Variants in SCN3A observed in about 807,000 individuals in gnomAD.
SCN3A encodes sodium voltage-gated channel alpha subunit 3.
SCN3A carries 60 observed loss-of-function variants against 187.6 expected under a neutral mutation model. The observed-to-expected ratio is 0.32, with a 90% CI of 0.26 to 0.40. SCN3A has a LOEUF of 0.40. SCN3A is among the 10% of genes least tolerant of loss of function. The probability of loss-of-function intolerance (pLI) is 1.00; values close to 1 mark genes in which losing one functional copy is unlikely to be tolerated. For missense variants in SCN3A, 1,601 were observed against 2,428.2 expected (o/e 0.66, Z 7.16); for synonymous variants, 788 against 829.2 (o/e 0.95, Z 0.85).
At chr2:165,157,207 G>C (rs1282010596) in intron 9 of SCN3A, among the ~76,000 whole-genome samples, 1 of 152,148 alleles carries the variant, frequency 6.6e-6, no homozygotes, top group East Asian at 1.9e-4. Flanking sequence ...ACCGTGCCCA[G>C]CCCTCAGTTT....
chr2:165,153,312 T>C (rs531575644), intron 11 of SCN3A, among the ~76,000 whole-genome samples: 77 of 152,138 alleles, frequency 5.1e-4, no homozygotes, highest in Non-Finnish European at 9.3e-4. Flanking sequence ...GTTATTTACC[T>C]AAATATAAAG....
At chr2:165,175,617 T>TG (rs1404345509) in intron 3 of SCN3A, among the ~76,000 whole-genome samples, 8 of 152,070 alleles carry the variant, frequency 5.3e-5, no homozygotes, top group African/African-American at 1.2e-4. Flanking sequence ...TCTAGGTTAC[T>TG]GGGGGGGAAA....
intron 1 of SCN3A, among the ~76,000 whole-genome samples, chr2:165,189,549 A>T (rs180898436): frequency 3.5e-4 from 53 of 152,322 alleles, no homozygotes; most frequent in African/African-American, 1.2e-3. Flanking sequence ...TTTTACCCTA[A>T]AAATGCTAGA....
At chr2:165,177,135 A>C (rs1204942172) in intron 2 of SCN3A, among the ~76,000 whole-genome samples, 2 of 152,052 alleles carry the variant, frequency 1.3e-5, no homozygotes, top group Non-Finnish European at 2.9e-5. Context: ...ATTAAGCCAG[A>C]CTCTGTTTCC....
At chr2:165,173,513 T>G (rs1282864787) in intron 3 of SCN3A, among the ~76,000 whole-genome samples, 1 of 152,174 alleles carries the variant, frequency 6.6e-6, no homozygotes, top group Non-Finnish European at 1.5e-5. Context: ...GAAAAGTTAG[T>G]TATGATTATC....
intron 1 of SCN3A, among the ~76,000 whole-genome samples, chr2:165,189,955 C>A (rs1691486844): frequency 6.6e-6 from 1 of 152,144 alleles, no homozygotes; most frequent in African/African-American, 2.4e-5. Flanking sequence ...CTGTAAAATT[C>A]TGGCTGTTCA....
chr2:165,112,999 A>C lies in SCN3A; in HGVS notation c.3729T>G (p.Ala1243=). ...RKTIKTMLEY[A]DKVFTYIFIL... is the part of the protein sequence containing the mutation. ...TGAATATATAGGTAAAGACTTTGTC[A>C]GCATATTCTAGCATGGTTTTGATAG... The change falls in exon 21 of 28, where the codon GCT becomes GCG. Residue 1243 remains alanine (A), a synonymous_variant. Transcript: ENST00000283254. 6.2e-7 allele frequency: 1 copy of C among 1,612,972 alleles called. No individual in the cohort carries two copies. Among genetic ancestry groups the C allele is most frequent in the Non-Finnish European group, 8.5e-7 (1 of 1,179,488 alleles).
At chr2:165,144,139 C>T (rs1028858743) in intron 12 of SCN3A, among the ~76,000 whole-genome samples, 2 of 152,160 alleles carry the variant, frequency 1.3e-5, no homozygotes, top group African/African-American at 4.8e-5. Flanking sequence ...TATTTACTGT[C>T]TATCTTACGC....
chr2:165,162,416 T>C (rs1219579463), intron 8 of SCN3A, 45 bp from the exon 9 acceptor site: 2 of 1,595,466 alleles, frequency 1.3e-6, no homozygotes, highest in Non-Finnish European at 1.7e-6. Flanking sequence ...ATTAATCCTA[T>C]TCACATTAGT....
Position 165,203,854 on chromosome 2 carries a change from T to TA in SCN3A, c.-280dup, listed in dbSNP as rs1184708298. On this transcript the variant is annotated 5_prime_UTR_variant, in exon 1 of 28. It removes the in-frame stop codon of an upstream open reading frame in the 5' UTR. Coordinates refer to ENST00000283254, the MANE Select transcript of SCN3A (RefSeq NM_006922.4). Reference sequence around the variant, plus strand: ...AAACAGAGCCTTATGAATTACAGCATAACAAAGCCCAGCATCCAAGATGGT... The same window carrying TA: ...AAACAGAGCCTTATGAATTACAGCATAAACAAAGCCCAGCATCCAAGATGGT... The TA allele has an allele frequency of 1.4e-5, 2 of 147,792 alleles. No individual in the cohort carries two copies. Among genetic ancestry groups the TA allele is most frequent in the African/African-American group, 5.0e-5 (2 of 40,248 alleles). The allele number at this position is 147,792 out of a possible 1,614,324, so 9.2% of individuals were successfully genotyped here.
chr2:165,194,382 C>T (rs779372278), intron 1 of SCN3A, among the ~76,000 whole-genome samples: 24 of 152,222 alleles, frequency 1.6e-4, no homozygotes, highest in Non-Finnish European at 1.0e-4. Context: ...CTGAGAGAAA[C>T]TTCTGAGGGT....
At position 165,200,440 on chromosome 2, in the gene SCN3A, G is replaced by GA. The variant is rs137864031; in HGVS notation, c.-248+3382dup. Reference sequence around the variant, plus strand: ...TATAATCAAGTGTTAATTTCTTGGTGAAAAAAAATCTTTAAATGCTTATTC... The same window carrying GA: ...TATAATCAAGTGTTAATTTCTTGGTGAAAAAAAAATCTTTAAATGCTTATTC... On this transcript the variant is annotated intron_variant, in intron 1 of 27. Coordinates refer to ENST00000283254, the MANE Select transcript of SCN3A (RefSeq NM_006922.4). Among the ~76,000 whole-genome samples, 42 of 151,840 alleles carry GA rather than the reference G, an allele frequency of 2.8e-4. No homozygotes were observed. The East Asian group carries it at 4.3e-3, about 15-fold the overall frequency.
At position 165,129,959 on chromosome 2, in the gene SCN3A, A is replaced by T. The variant is rs778179996; in HGVS notation, c.2903T>A (p.Met968Lys). The change falls in exon 17 of 28, where the codon ATG becomes AAG. Residue 968 changes from methionine (M) to lysine (K), a missense_variant. Around this residue, in one of 11 missense-constraint regions of SCN3A, gnomAD observed 91 missense variants for 207.0 expected, o/e 0.44. Transcript: ENST00000283254. ...ACATACCACAAGGTTTCCAATGACC[A>T]TGACCAACATGAAAACAATAAGGCA... ...TMCLIVFMLVMVIGNLVVLNL... is the reference protein window; with the variant it reads ...TMCLIVFMLVKVIGNLVVLNL... 1.2e-6 allele frequency: 2 copies of T among 1,614,142 alleles called. No individual in the cohort carries two copies.
chr2:165,141,040 G>C (rs746564123), intron 12 of SCN3A, 42 bp from the exon 13 acceptor site: 1 of 1,303,798 alleles, frequency 7.7e-7, no homozygotes, highest in Non-Finnish European at 1.1e-6. Context: ...ATGGGGGTAG[G>C]GGAAGAACGC....
At chr2:165,163,877 C>G (rs1689569518) in intron 6 of SCN3A, 168 bp from the exon 7 acceptor site, 3 of 1,613,570 alleles carry the variant, frequency 1.9e-6, no homozygotes, top group African/African-American at 1.3e-5. Flanking sequence ...CCTAGGCTTA[C>G]AAATTCTGTT....
Position 165,188,505 on chromosome 2 carries a change from T to C in SCN3A, c.-247-1758A>G, listed in dbSNP as rs533146842. On this transcript the variant is annotated intron_variant, in intron 1 of 27. Transcript: ENST00000283254. ...CTTCAGTGAGCATAAGAATCACCTGTGCAGCAGGGCGCGGTGGCTCACGCC... is the reference window on the plus strand; with the variant it reads ...CTTCAGTGAGCATAAGAATCACCTGCGCAGCAGGGCGCGGTGGCTCACGCC... Among the ~76,000 whole-genome samples, 4 of 152,230 alleles carry C rather than the reference T, an allele frequency of 2.6e-5. No homozygotes were observed. The South Asian group carries it at 6.2e-4, about 24-fold the overall frequency.
rs1240652743 is a variant in SCN3A, at chr2:165,162,592, T to TCACTGTTACATTAACAAATGTCCC, written c.930_931insGGGACATTTGTTAATGTAACAGTG (p.Met310_Ser311insGlyThrPheValAsnValThrVal). ...ATGTAATCCTTCCAGTTAAATGTGC[T>TCACTGTTACATTAACAAATGTCCC]CATTGTTACATTAACAAATGTCCCA... On this transcript the variant is annotated inframe_insertion, in exon 8 of 28. Coordinates refer to ENST00000283254, the MANE Select transcript of SCN3A (RefSeq NM_006922.4). The TCACTGTTACATTAACAAATGTCCC allele has an allele frequency of 6.2e-7, 1 of 1,614,040 alleles. No individual in the cohort carries two copies. Among genetic ancestry groups the TCACTGTTACATTAACAAATGTCCC allele is most frequent in the East Asian group, 2.2e-5 (1 of 44,882 alleles).
In SCN3A at chr2:165,089,664, A is replaced by T. The variant is rs1197782574; in HGVS notation, c.*486T>A. The T allele has an allele frequency of 6.5e-6, 1 of 154,216 alleles. No individual in the cohort carries two copies. The highest frequency in any genetic ancestry group is 2.4e-5 in the African/African-American group (1 of 41,472). The allele number at this position is 154,216 out of a possible 1,614,324, so 9.6% of individuals were successfully genotyped here. On this transcript the variant is annotated 3_prime_UTR_variant, in exon 28 of 28. Transcript: ENST00000283254. ...TCTGGCAAAACACCTTTGTCTGATC[A>T]TTTGAGAGACAGGGTTCTTGTATAC...
chr2:165,167,415 A>G (rs1689839692), intron 5 of SCN3A, among the ~76,000 whole-genome samples: 1 of 152,140 alleles, frequency 6.6e-6, no homozygotes. Flanking sequence ...ATAATGGCTT[A>G]GAGTGGTACA....
Sources: gnomAD v4.1 joint callset for allele counts (sites outside exome capture counted in the v4.1 genomes callset) on GRCh38, gnomAD v4.1.1 for gene constraint, gnomAD v4.1.1 regional missense constraint, MANE v1.5 for transcripts, NCBI Gene and HGNC (gene_info 2026-07-23, HGNC 2026-07-21) for gene names.